NBEA: variants seen among roughly 807,000 people sequenced by gnomAD.
NBEA encodes neurobeachin.
A neutral mutation model predicts 343.4 loss-of-function variants in NBEA; 44 were observed. That is an observed-to-expected ratio of 0.13 (90% CI 0.10 to 0.16). The LOEUF (loss-of-function observed/expected upper bound fraction) is 0.16, where lower values mean the gene tolerates loss of function less well. Among genes scored for constraint, NBEA ranks in the 10% least tolerant of loss-of-function variants. NBEA has a pLI of 1.00. For missense variants in NBEA, 2,555 were observed against 3,631.3 expected (o/e 0.70, Z 7.62); for synonymous variants, 1,175 against 1,238.7 (o/e 0.95, Z 1.08).
chr13:35,578,983 G>A (rs550036429), intron 45 of NBEA, among the ~76,000 whole-genome samples: 2 of 150,790 alleles, frequency 1.3e-5, no homozygotes, highest in South Asian at 2.1e-4. Flanking sequence ...TGTTAAGTAC[G>A]TATGTGTGGA....
intron 41 of NBEA, among the ~76,000 whole-genome samples, chr13:35,501,499 GT>G (rs954281599): frequency 4.6e-4 from 70 of 152,172 alleles, no homozygotes; most frequent in African/African-American, 1.7e-3. Flanking sequence ...CAAAGCTGTA[GT>G]TTTATAAAGT....
chr13:35,436,829 G>A (rs1413221476), intron 39 of NBEA, among the ~76,000 whole-genome samples: 1 of 152,094 alleles, frequency 6.6e-6, no homozygotes, highest in Non-Finnish European at 1.5e-5. Flanking sequence ...AAAGATTTTA[G>A]GTACAAAAGA....
chr13:35,262,079 C>T (rs912221308), intron 34 of NBEA, among the ~76,000 whole-genome samples: 1 of 152,158 alleles, frequency 6.6e-6, no homozygotes, highest in Non-Finnish European at 1.5e-5. Flanking sequence ...TGGCCAACAT[C>T]GTTAGCGATC....
chr13:34,979,854 C>T (rs1205354275), intron 1 of NBEA, among the ~76,000 whole-genome samples: 3 of 152,116 alleles, frequency 2.0e-5, no homozygotes, highest in Non-Finnish European at 1.5e-5. Context: ...TTTTAATTCT[C>T]ATGTCTGTTA....
intron 48 of NBEA, among the ~76,000 whole-genome samples, chr13:35,618,347 G>A (rs983920304): frequency 3.9e-5 from 6 of 152,194 alleles, no homozygotes; most frequent in African/African-American, 1.2e-4. Context: ...ATTACTGCAT[G>A]CCAGCAATTG....
At chr13:35,298,205 GTGTGTGTATATA>G (rs1253139124) in intron 35 of NBEA, among the ~76,000 whole-genome samples, 4 of 14,542 alleles carry the variant, frequency 2.8e-4, no homozygotes, top group Non-Finnish European at 9.8e-4. Flanking sequence ...GTGTGTGTGT[GTGTGTGTATATA>G]TATATATATA....
At chr13:35,475,094 T>A (rs1256468956) in intron 41 of NBEA, 1 of 1,614,058 alleles carries the variant, frequency 6.2e-7, no homozygotes, top group Admixed American at 1.7e-5. Context: ...TTGGTCAGGA[T>A]CTCTCTTGCC....
In NBEA at chr13:35,081,929, T is replaced by A. The variant is rs988229271; in HGVS notation, c.1571+11077T>A. Among the ~76,000 whole-genome samples, 25 of 152,246 alleles carry A rather than the reference T, an allele frequency of 1.6e-4. No homozygotes were observed. In the East Asian group the frequency reaches 3.7e-3, roughly 22 times the overall value. ...ATTTCCATTTTGGTAACTTTTTTTTTATTATACTTTAAGTTTTAGGGTACA... is the reference window on the plus strand; with the variant it reads ...ATTTCCATTTTGGTAACTTTTTTTTAATTATACTTTAAGTTTTAGGGTACA... On this transcript the variant is annotated intron_variant, in intron 10 of 58. Coordinates refer to ENST00000379939, the MANE Select transcript of NBEA (RefSeq NM_001385012.1).
intron 26 of NBEA, among the ~76,000 whole-genome samples, chr13:35,172,428 C>T (rs755799783): frequency 1.9e-4 from 29 of 151,988 alleles, no homozygotes; most frequent in Middle Eastern, 3.4e-3. Flanking sequence ...ATAACAAGAG[C>T]TGTCAAATGA....
intron 41 of NBEA, among the ~76,000 whole-genome samples, chr13:35,515,323 G>T (rs1252531003): frequency 1.3e-5 from 2 of 152,158 alleles, no homozygotes; most frequent in Non-Finnish European, 2.9e-5. Flanking sequence ...AGGGGAAAAG[G>T]TGCTCAGAGC....
In NBEA at chr13:35,277,616, C is replaced by T. The variant is rs193029872; in HGVS notation, c.5777-12773C>T. Among the ~76,000 whole-genome samples the T allele has an allele frequency of 9.6e-3, 801 of 83,174 alleles. 16 individuals are homozygous for T. Among genetic ancestry groups the T allele is most frequent in the Non-Finnish European group, 0.013 (585 of 46,352 alleles). 54.6% of individuals were successfully genotyped at this position (83,174 alleles called of 152,430 possible). ...AGCCTGGGCAACAAGAAAGAAACTC[C>T]GTCTCCAAAAAAAAAAAAAAAAAAA... On this transcript the variant is annotated intron_variant, in intron 34 of 58. Transcript: ENST00000379939.
intron 1 of NBEA, among the ~76,000 whole-genome samples, chr13:35,017,018 T>A (rs914894280): frequency 7.2e-5 from 11 of 152,142 alleles, no homozygotes; most frequent in East Asian, 3.9e-4. Flanking sequence ...AGAAACAGTT[T>A]GGATTCTGTT....
At chr13:35,117,626 G>T (rs961135686) in intron 14 of NBEA, 133 bp downstream of exon 14, 8 of 347,388 alleles carry the variant, frequency 2.3e-5, no homozygotes, top group African/African-American at 1.7e-4. Context: ...CCACATCTTA[G>T]TATTCACTTT....
chr13:35,628,200 T>C lies in NBEA; in HGVS notation c.7569T>C (p.Tyr2523=), dbSNP rs895609625. The part of the protein sequence containing the change: ...RALNVFHYLT[Y]EGSVNLDSIT... Reference sequence around the variant, plus strand: ...TGAATGTTTTTCACTACTTGACTTATGAAGGCTCTGTGAACCTGGATAGTA... The same window carrying C: ...TGAATGTTTTTCACTACTTGACTTACGAAGGCTCTGTGAACCTGGATAGTA... The change falls in exon 49 of 59, where the codon TAT becomes TAC. Residue 2523 remains tyrosine, a synonymous_variant. Coordinates refer to ENST00000379939, the MANE Select transcript of NBEA (RefSeq NM_001385012.1). The C allele has an allele frequency of 9.9e-6, 16 of 1,613,076 alleles. No homozygotes were observed. The Admixed American group carries it at 1.3e-4, about 13-fold the overall frequency.
chr13:35,039,159 C>G (rs578145587), intron 1 of NBEA, among the ~76,000 whole-genome samples: 2 of 152,226 alleles, frequency 1.3e-5, no homozygotes, highest in African/African-American at 4.8e-5. Context: ...GCCCCAGGTT[C>G]AGTGCCTCAC....
At chr13:35,475,532 C>A in intron 41 of NBEA, 1 of 1,613,026 alleles carries the variant, frequency 6.2e-7, no homozygotes, top group Non-Finnish European at 8.5e-7. Flanking sequence ...TCCGCCTTGA[C>A]CTCCGCCACC....
In NBEA at chr13:35,671,076, G is replaced by A. The variant is rs139055441; in HGVS notation, c.*85G>A. 29 of 909,248 alleles carry A rather than the reference G, an allele frequency of 3.2e-5. No homozygotes were observed. The highest frequency in any genetic ancestry group is 2.8e-4 in the African/African-American group (17 of 60,524). 56.3% of individuals were successfully genotyped at this position (909,248 alleles called of 1,614,324 possible). A position where few individuals can be genotyped will look rare whatever the true frequency, so the allele number is the denominator to read the frequency against. ...GCAATATCTCTGGTGGAAAAAACTC[G>A]TCTACATCGACCTCCGTTTGTACAT... On this transcript the variant is annotated 3_prime_UTR_variant, in exon 59 of 59. Transcript: ENST00000379939.
chr13:35,153,503 T>C (rs1209127315), intron 18 of NBEA, among the ~76,000 whole-genome samples: 2 of 152,254 alleles, frequency 1.3e-5, no homozygotes, highest in Admixed American at 6.5e-5. Flanking sequence ...TAACTGGTTA[T>C]TAATAAATAC....
chr13:35,165,224 T>G (rs1047742096), intron 24 of NBEA: 8 of 456,040 alleles, frequency 1.8e-5, no homozygotes, highest in African/African-American at 4.1e-5. Flanking sequence ...TCTAAGTGTA[T>G]TTCATCATTA....
Sources: gnomAD v4.1 joint callset for allele counts (sites outside exome capture counted in the v4.1 genomes callset) on GRCh38, gnomAD v4.1.1 for gene constraint, MANE v1.5 for transcripts, NCBI Gene and HGNC (gene_info 2026-07-23, HGNC 2026-07-21) for gene names.